Variants in POC5 observed in about 807,000 individuals in gnomAD.
POC5 encodes centrosomal protein POC5.
Under a neutral mutation model 62.9 loss-of-function variants are expected in POC5, and 48 were observed. The ratio of observed to expected loss-of-function variants is 0.76; its 90% CI spans 0.61 to 0.97. POC5 has a LOEUF of 0.97. POC5 is among the 50% of genes least tolerant of loss of function. The probability of loss-of-function intolerance (pLI) is 0.00; values close to 1 mark genes in which losing one functional copy is unlikely to be tolerated. For missense variants in POC5, 696 were observed against 679.5 expected, an observed-to-expected ratio of 1.02 and a Z score of -0.27; for synonymous variants, 236 against 228.2, an observed-to-expected ratio of 1.03 and a Z score of -0.31.
rs952819186 is a variant in POC5 at position 75,712,878 on chromosome 5, G to A, written c.60C>T (p.Gly20=). The A allele has an allele frequency of 1.9e-6, 3 of 1,611,960 alleles. No individual in the cohort carries two copies. The highest frequency in any genetic ancestry group is 2.5e-6 in the Non-Finnish European group (3 of 1,178,898). Residue 20 remains glycine, a synonymous_variant, in exon 2 of 12, where the codon GGC becomes GGT. Transcript: ENST00000428202. Reference sequence around the variant, plus strand: ...CCTGAAGATTCGAAGAGACAGAACTGCCTCGACTGGAGTCATTTTGCACAA... The same window carrying A: ...CCTGAAGATTCGAAGAGACAGAACTACCTCGACTGGAGTCATTTTGCACAA... ...LPVVQNDSSR[G]SSVSSNLQEE... is the part of the protein sequence containing the mutation.
At chr5:75,689,602 G>A (rs1170490557) in intron 8 of POC5, 1 of 984,588 alleles carries the variant, frequency 1.0e-6, no homozygotes, top group Non-Finnish European at 1.2e-6. Context: ...TATTTGAAGT[G>A]CAGAGTGACC....
rs749598879 is a variant in POC5 at position 75,694,640 on chromosome 5, T to C, written c.690+15A>G. ...TTACTGAATCTCAGTTAAAAAGAAA[T>C]ATAAAAAAGAAGACCTCATCTTTTC... is the stretch of plus-strand genomic sequence containing the variant. On this transcript the variant is annotated intron_variant, in intron 6 of 11. Transcript: ENST00000428202. 6 of 1,466,940 alleles carry C rather than the reference T, an allele frequency of 4.1e-6. No individual in the cohort carries two copies. In the African/African-American group the frequency reaches 4.3e-5, roughly 11 times the overall value. 90.9% of individuals were successfully genotyped at this position (1,466,940 alleles called of 1,614,324 possible). A position where few individuals can be genotyped will look rare whatever the true frequency, so the allele number is the denominator to read the frequency against.
intron 9 of POC5, among the ~76,000 whole-genome samples, chr5:75,688,788 G>A (rs1776197704): frequency 6.6e-6 from 1 of 152,172 alleles, no homozygotes. Flanking sequence ...ATACTTAGGA[G>A]TGACAGTGTA....
chr5:75,716,702 A>G (rs1269150706), intron 1 of POC5, among the ~76,000 whole-genome samples: 1 of 152,234 alleles, frequency 6.6e-6, no homozygotes, highest in Non-Finnish European at 1.5e-5. Context: ...AACAAGATCA[A>G]AACTTTTGTG....
chr5:75,693,320 T>G (rs189005705), intron 6 of POC5, among the ~76,000 whole-genome samples: 31 of 151,974 alleles, frequency 2.0e-4, no homozygotes, highest in Admixed American at 5.9e-4. Flanking sequence ...CTGAAATAAA[T>G]TTCTAAAAAT....
intron 5 of POC5, chr5:75,696,194 A>C (rs1776576028): frequency 6.4e-6 from 1 of 155,778 alleles, no homozygotes; most frequent in South Asian, 2.0e-4. Context: ...GGAAGCTCGA[A>C]CTGGGTGGAG....
At chr5:75,685,581 T>A in intron 9 of POC5, 97 bp from the exon 10 acceptor site, 1 of 1,280,770 alleles carries the variant, frequency 7.8e-7, no homozygotes, top group Non-Finnish European at 1.1e-6. Flanking sequence ...AGTTTGGTCC[T>A]AACAAAAATT....
At chr5:75,679,423 C>G (rs1481373885) in intron 10 of POC5, among the ~76,000 whole-genome samples, 1 of 152,106 alleles carries the variant, frequency 6.6e-6, no homozygotes, top group East Asian at 1.9e-4. Context: ...CATCTAGCTA[C>G]ACACAGTCAC....
At chr5:75,708,062 T>C (rs189150078) in intron 2 of POC5, among the ~76,000 whole-genome samples, 187 bp from the exon 3 acceptor site, 180 of 152,308 alleles carry the variant, frequency 1.2e-3, no homozygotes, top group Non-Finnish European at 2.3e-3. Flanking sequence ...ATATTTATGA[T>C]TAACAGTTTG....
rs768160038 is a variant in POC5, at chr5:75,707,890, T to C, written c.85-15A>G. ...TCATATTCTTCCTAAGAGAGGCCAA[T>C]AATCAATAATGTAGTGTAACAGTTA... On this transcript the variant is annotated splice_polypyrimidine_tract_variant and intron_variant, in intron 2 of 11. Coordinates refer to ENST00000428202, the MANE Select transcript of POC5 (RefSeq NM_001099271.2). 21 of 1,560,814 alleles carry C rather than the reference T, an allele frequency of 1.3e-5. 1 individual carries two copies. In the South Asian group the frequency reaches 2.4e-4, roughly 17 times the overall value.
intron 11 of POC5, 132 bp from the exon 12 acceptor site, chr5:75,674,710 G>C (rs1775587577): frequency 8.6e-7 from 1 of 1,162,506 alleles, no homozygotes; most frequent in Admixed American, 2.2e-5. Flanking sequence ...AATGAGTGGA[G>C]TGAAGCAGCT....
At chr5:75,700,062 T>G (rs1174476459) in intron 5 of POC5, among the ~76,000 whole-genome samples, 3 of 151,540 alleles carry the variant, frequency 2.0e-5, no homozygotes, top group Non-Finnish European at 4.4e-5. Context: ...CTCAAGGAAA[T>G]AAAAGAGGAT....
intron 5 of POC5, 123 bp from the exon 6 acceptor site, chr5:75,694,954 A>C (rs2307114): frequency 0.067 from 44,434 of 665,770 alleles, 2,555 homozygotes; most frequent in East Asian, 0.29. Flanking sequence ...TCATTAAAAC[A>C]ATTGGAACAC....
intron 5 of POC5, among the ~76,000 whole-genome samples, chr5:75,698,170 G>C (rs1776696302): frequency 2.2e-5 from 3 of 137,750 alleles, no homozygotes; most frequent in Admixed American, 7.3e-5. Flanking sequence ...GAGACAGAAA[G>C]TCAACAAGGA....
Position 75,694,843 on chromosome 5 carries a change from A to C in POC5, c.514-12T>G. On this transcript the variant is annotated splice_polypyrimidine_tract_variant and intron_variant, in intron 5 of 11. Coordinates refer to ENST00000428202, the MANE Select transcript of POC5 (RefSeq NM_001099271.2). ...GATATGATGTTTGTCTGAAAAATTA[A>C]TATAGTGACAATTAAGTAGTTTGTT... 6.7e-7 allele frequency: 1 copy of C among 1,481,734 alleles called. No homozygotes were observed. The highest frequency in any genetic ancestry group is 9.2e-7 in the Non-Finnish European group (1 of 1,085,930). The allele number at this position is 1,481,734 out of a possible 1,614,324, so 91.8% of individuals were successfully genotyped here.
chr5:75,712,470 A>G lies in POC5; in HGVS notation c.84+384T>C, dbSNP rs532547443. 2.4e-5 allele frequency: 38 copies of G among 1,591,714 alleles called. No homozygotes were observed. In the African/African-American group the frequency reaches 4.2e-4, roughly 17 times the overall value. On this transcript the variant is annotated intron_variant, in intron 2 of 11. Coordinates refer to ENST00000428202, the MANE Select transcript of POC5 (RefSeq NM_001099271.2). ...ACCAAACCTCAGCAAGTAGAACACA[A>G]GGGAATCTTGAGCTCTAGAACTTTG... is the stretch of plus-strand genomic sequence containing the variant.
intron 6 of POC5, among the ~76,000 whole-genome samples, chr5:75,693,006 T>C (rs1776404611): frequency 6.8e-6 from 1 of 146,862 alleles, no homozygotes; most frequent in African/African-American, 2.6e-5. Flanking sequence ...ACTATTAATA[T>C]GTTATAGTTA....
At chr5:75,704,105 A>G (rs1777018503) in intron 4 of POC5, among the ~76,000 whole-genome samples, 1 of 151,072 alleles carries the variant, frequency 6.6e-6, no homozygotes, top group African/African-American at 2.4e-5. Context: ...CAGTGAGCCG[A>G]GATCGTGCCA....
At chr5:75,690,297 A>G in intron 8 of POC5, 86 bp downstream of exon 8, 1 of 1,262,568 alleles carries the variant, frequency 7.9e-7, no homozygotes, top group South Asian at 1.7e-5. Flanking sequence ...ATTAAAGACC[A>G]AAAGAAGAAG....
Sources: allele counts gnomAD v4.1 joint callset (sites outside exome capture counted in the v4.1 genomes callset), GRCh38; gene constraint gnomAD v4.1.1; transcripts MANE v1.5; gene names NCBI Gene and HGNC (gene_info 2026-07-23, HGNC 2026-07-21).